Variants in NPR1 observed in about 807,000 individuals in gnomAD.
NPR1 encodes natriuretic peptide receptor 1.
In NPR1, 57 loss-of-function variants were observed where a neutral mutation model predicts 116.9. The ratio of observed to expected loss-of-function variants is 0.49; its 90% CI spans 0.39 to 0.61. The LOEUF (loss-of-function observed/expected upper bound fraction) is 0.61, where lower values mean the gene tolerates loss of function less well. Ranked by LOEUF, NPR1 falls within the 20% of genes least tolerant of loss-of-function variation. The pLI is 0.00. For synonymous variants in NPR1, 555 were observed against 601.6 expected, an observed-to-expected ratio of 0.92 and a Z score of 1.13; for missense variants, 1,096 against 1,409.8, an observed-to-expected ratio of 0.78 and a Z score of 3.56.
rs1352904678 is a variant in NPR1, at chr1:153,693,428, C to T, written c.*14C>T. ...ACCCGAGGCTGACCTGCCTCCTCTC[C>T]TATCCCTCCACACCTCCCTACCCTG... On this transcript the variant is annotated 3_prime_UTR_variant, in exon 22 of 22. Transcript: ENST00000368680. 1 of 1,576,386 alleles carries T rather than the reference C, an allele frequency of 6.3e-7. No individual in the cohort carries two copies.
Position 153,689,977 on chromosome 1 carries a change from A to G in NPR1, c.2929A>G (p.Thr977Ala). The change falls in exon 19 of 22, where the codon ACA becomes GCA. Residue 977 changes from threonine to alanine, a missense_variant. Physicochemically the swap from Thr to Ala is moderately conservative, Grantham distance 58. Transcript: ENST00000368680. The surrounding 1 kb of genome is among the most constrained non-coding windows in gnomAD (Gnocchi z 5.1). ...GCTGCGCTTGCGCATTGGCATCCAC[A>G]CAGGTAAGGCCACTGAAGGTGCAGG... ...EQLRLRIGIHTGPVCAGVVGL... is the reference protein window; with the variant it reads ...EQLRLRIGIHAGPVCAGVVGL... 1 of 1,523,812 alleles carries G rather than the reference A, an allele frequency of 6.6e-7. No homozygotes were observed. The highest frequency in any genetic ancestry group is 1.4e-5 in the African/African-American group (1 of 72,760). The allele number at this position is 1,523,812 out of a possible 1,614,324, so 94.4% of individuals were successfully genotyped here.
rs61758567 is a variant in NPR1 at position 153,687,792 on chromosome 1, G to A, written c.2248+3G>A. 1.1e-5 allele frequency: 18 copies of A among 1,578,304 alleles called. No homozygotes were observed. Among genetic ancestry groups the A allele is most frequent in the African/African-American group, 2.7e-5 (2 of 73,984 alleles). Reference sequence around the variant, plus strand: ...AGGTTTGGACCTGAGCCCCAAAGGTGAGAGGAGCACACCTTCCTTAAACCC... The same window carrying A: ...AGGTTTGGACCTGAGCCCCAAAGGTAAGAGGAGCACACCTTCCTTAAACCC... On this transcript the variant is annotated splice_donor_region_variant and intron_variant, in intron 14 of 21. Transcript: ENST00000368680.
In NPR1 at chr1:153,693,772, G is replaced by A; in HGVS notation, c.*358G>A. 1 of 405,168 alleles carries A rather than the reference G, an allele frequency of 2.5e-6. No individual in the cohort carries two copies. Among genetic ancestry groups the A allele is most frequent in the East Asian group, 3.6e-5 (1 of 28,166 alleles). 25.1% of individuals were successfully genotyped at this position (405,168 alleles called of 1,614,324 possible). On this transcript the variant is annotated 3_prime_UTR_variant, in exon 22 of 22. Coordinates refer to ENST00000368680, the MANE Select transcript of NPR1 (RefSeq NM_000906.4). ...TTGCTACCCTGTGACTTACTGGGAG[G>A]AGAAAGAGTCACCTGAAGGGGAACA...
intron 1 of NPR1, 61 bp from the exon 2 acceptor site, chr1:153,680,440 C>T (rs963293813): frequency 5.8e-6 from 9 of 1,540,802 alleles, no homozygotes; most frequent in Admixed American, 5.0e-5. Context: ...CCCCAGCTTT[C>T]CTACTCCTGT....
At position 153,682,552 on chromosome 1, in the gene NPR1, C is replaced by T. The variant is rs1286499376; in HGVS notation, c.1226C>T (p.Ser409Phe). ...AGTGGCGATCGGGAAACAGACTTCTCCCTCTGGGATATGGATCCCGAGAAT... is the reference window on the plus strand; with the variant it reads ...AGTGGCGATCGGGAAACAGACTTCTTCCTCTGGGATATGGATCCCGAGAAT... ...DSSGDRETDF[S>F]LWDMDPENGA... The change falls in exon 5 of 22, where the codon TCC (serine) becomes TTC (phenylalanine). Residue 409 changes from serine to phenylalanine, a missense_variant. Ser to Phe is a radical substitution (Grantham distance 155). Coordinates refer to ENST00000368680, the MANE Select transcript of NPR1 (RefSeq NM_000906.4). The T allele has an allele frequency of 6.2e-7, 1 of 1,614,134 alleles. No homozygotes were observed. The highest frequency in any genetic ancestry group is 1.1e-5 in the South Asian group (1 of 91,076).
chr1:153,683,952 A>G, intron 7 of NPR1, 128 bp downstream of exon 7: 1 of 751,320 alleles, frequency 1.3e-6, no homozygotes, highest in African/African-American at 1.7e-5. Flanking sequence ...AAGGGAGATG[A>G]GGAAGAAAGG....
In NPR1 at chr1:153,687,685, G is replaced by C; in HGVS notation, c.2144G>C (p.Arg715Pro). 1.9e-6 allele frequency: 3 copies of C among 1,606,160 alleles called. No homozygotes were observed. Among genetic ancestry groups the C allele is most frequent in the Non-Finnish European group, 2.6e-6 (3 of 1,173,656 alleles). ...CTGCGAATGGCTTCACCCCCTGTGC[G>C]GGGCTCCCAGGCTGGTGACGTATAC... The part of the protein sequence containing the change: ...ELLRMASPPV[R>P]GSQAGDVYSF... The change falls in exon 14 of 22, where the codon CGG becomes CCG. Residue 715 changes from arginine (R) to proline (P), a missense_variant. Physicochemically the swap from Arg to Pro is moderately radical, Grantham distance 103. Transcript: ENST00000368680.
At chr1:153,685,912 G>T in intron 9 of NPR1, 32 bp downstream of exon 9, 1 of 1,588,344 alleles carries the variant, frequency 6.3e-7, no homozygotes, top group Admixed American at 1.7e-5. Flanking sequence ...TGGGCCTTGG[G>T]ACTGGGGCAG....
Position 153,686,296 on chromosome 1 carries a change from A to AC in NPR1, c.1758+100dup, listed in dbSNP as rs1226896095. On this transcript the variant is annotated intron_variant, in intron 10 of 21. Coordinates refer to ENST00000368680, the MANE Select transcript of NPR1 (RefSeq NM_000906.4). The stretch of plus-strand genomic sequence containing the variant: ...ACTAGTTATGGAGGGACCTCAGGGT[A>AC]CCCCAAGAAAGGGGCAGGGACTGGA... The AC allele has an allele frequency of 6.1e-5, 73 of 1,200,424 alleles. No homozygotes were observed. The East Asian group carries it at 9.6e-4, about 16-fold the overall frequency. 74.4% of individuals were successfully genotyped at this position (1,200,424 alleles called of 1,614,324 possible).
At chr1:153,682,123 C>T (rs1484974695) in intron 4 of NPR1, among the ~76,000 whole-genome samples, 3 of 151,910 alleles carry the variant, frequency 2.0e-5, no homozygotes, top group East Asian at 1.9e-4. Context: ...GGTGCAATCT[C>T]GGCTCACTTC....
At position 153,693,158 on chromosome 1, in the gene NPR1, T is replaced by C; in HGVS notation, c.3084T>C (p.Gly1028=). 1.2e-6 allele frequency: 2 copies of C among 1,614,014 alleles called. No homozygotes were observed. The highest frequency in any genetic ancestry group is 2.2e-5 in the South Asian group (2 of 91,076). Residue 1028 remains glycine (G), a synonymous_variant, in exon 21 of 22, where the codon GGT becomes GGC. Transcript: ENST00000368680. ...SETKAVLEEF[G]GFELELRGDV... ...CCAAGGCTGTCCTGGAGGAGTTTGG[T>C]GGTTTCGAGCTGGAGCTTCGAGGGG...
At chr1:153,690,218 C>T in intron 19 of NPR1, 66 bp from the exon 20 acceptor site, 1 of 1,269,450 alleles carries the variant, frequency 7.9e-7, no homozygotes, top group Non-Finnish European at 1.1e-6. Flanking sequence ...TGTCCACCTA[C>T]CTCCCTTAAC....
At position 153,681,154 on chromosome 1, in the gene NPR1, C is replaced by G. The variant is rs1669766520; in HGVS notation, c.922-26C>G. 4 of 1,410,558 alleles carry G rather than the reference C, an allele frequency of 2.8e-6. No homozygotes were observed. In the East Asian group the frequency reaches 9.1e-5, roughly 32 times the overall value. 87.4% of individuals were successfully genotyped at this position (1,410,558 alleles called of 1,614,324 possible). On this transcript the variant is annotated intron_variant, in intron 2 of 21. Coordinates refer to ENST00000368680, the MANE Select transcript of NPR1 (RefSeq NM_000906.4). ...TAGGGAATAGTCAGCTCCCAACTCT[C>G]TGCTCTCCACTGACCCCTTTCTCAG...
chr1:153,690,608 G>A (rs948509890), intron 20 of NPR1, among the ~76,000 whole-genome samples: 25 of 151,934 alleles, frequency 1.6e-4, no homozygotes, highest in Non-Finnish European at 2.4e-4. Flanking sequence ...AAGTATTTCC[G>A]GGCCAGTGCT....
chr1:153,689,983 A>T lies in NPR1; in HGVS notation c.2932+3A>T. ...CTTGCGCATTGGCATCCACACAGGT[A>T]AGGCCACTGAAGGTGCAGGCGGGCA... On this transcript the variant is annotated splice_donor_region_variant and intron_variant, in intron 19 of 21. Coordinates refer to ENST00000368680, the MANE Select transcript of NPR1 (RefSeq NM_000906.4). This position sits in a 1 kb window ranked among gnomAD's most constrained non-coding sequence, Gnocchi z 5.1. The T allele has an allele frequency of 6.7e-7, 1 of 1,502,772 alleles. No homozygotes were observed. The highest frequency in any genetic ancestry group is 8.9e-7 in the Non-Finnish European group (1 of 1,119,136). The allele number at this position is 1,502,772 out of a possible 1,614,324, so 93.1% of individuals were successfully genotyped here.
Position 153,688,177 on chromosome 1 carries a change from G to A in NPR1, c.2373G>A (p.Arg791=). The stretch of plus-strand genomic sequence containing the variant: ...GCTGGGCTGAGGACCCACAGGAGAG[G>A]CCACCATTCCAGCAGATCCGCCTGA... ...QRCWAEDPQE[R]PPFQQIRLTL... The change falls in exon 15 of 22, where the codon AGG becomes AGA. Residue 791 remains arginine, a synonymous_variant. Coordinates refer to ENST00000368680, the MANE Select transcript of NPR1 (RefSeq NM_000906.4). 6.2e-7 allele frequency: 1 copy of A among 1,613,928 alleles called. No homozygotes were observed. The highest frequency in any genetic ancestry group is 8.5e-7 in the Non-Finnish European group (1 of 1,179,882).
chr1:153,689,392 C>T lies in NPR1; in HGVS notation c.2689-61C>T, dbSNP rs149766493. ...GACCTGCCTTCTGGTTCTGCTTTAC[C>T]CACCTGACCCCAGGTGGGGTCCCCT... is the stretch of plus-strand genomic sequence containing the variant. On this transcript the variant is annotated intron_variant, in intron 17 of 21. Coordinates refer to ENST00000368680, the MANE Select transcript of NPR1 (RefSeq NM_000906.4). This position sits in a 1 kb window ranked among gnomAD's most constrained non-coding sequence, Gnocchi z 5.1. 9.0e-5 allele frequency: 145 copies of T among 1,613,590 alleles called. 1 individual carries two copies. In the African/African-American group the frequency reaches 1.7e-3, roughly 19 times the overall value.
rs1309333036 is a variant in NPR1, at chr1:153,690,177, C to T, written c.2933-107C>T. On this transcript the variant is annotated intron_variant, in intron 19 of 21. Coordinates refer to ENST00000368680, the MANE Select transcript of NPR1 (RefSeq NM_000906.4). ...CACACACACACACACAGAGCTGGGA[C>T]CTCAGATCCTGCCTCCTGCCTGTCT... 3 of 826,128 alleles carry T rather than the reference C, an allele frequency of 3.6e-6. No homozygotes were observed. The East Asian group carries it at 9.1e-5, about 25-fold the overall frequency. The allele number at this position is 826,128 out of a possible 1,614,324, so 51.2% of individuals were successfully genotyped here.
chr1:153,693,050 T>C, intron 20 of NPR1, 56 bp from the exon 21 acceptor site: 1 of 1,424,654 alleles, frequency 7.0e-7, no homozygotes, highest in Non-Finnish European at 9.8e-7. Context: ...TTGCCTCTAC[T>C]TTCCTGCTCT....
Sources: gnomAD v4.1 joint callset for allele counts (sites outside exome capture counted in the v4.1 genomes callset) on GRCh38, gnomAD v4.1.1 for gene constraint, Gnocchi (gnomAD v3.1) non-coding constraint, MANE v1.5 for transcripts, NCBI Gene and HGNC (gene_info 2026-07-23, HGNC 2026-07-21) for gene names.